MICU3: variants seen among roughly 807,000 people sequenced by gnomAD.
The protein encoded by MICU3 is mitochondrial calcium uptake 3, also known as calcium uptake protein 3, mitochondrial.
MICU3 carries 62 observed loss-of-function variants against 66.5 expected under a neutral mutation model. The observed-to-expected ratio is 0.93, with a 90% confidence interval of 0.76 to 1.15. MICU3 has a LOEUF of 1.15. Among genes scored for constraint, MICU3 ranks in the 50% most tolerant of loss-of-function variants. MICU3 has a pLI of 0.00. For synonymous variants in MICU3, 308 were observed against 240.7 expected (o/e 1.28, Z -2.59); for missense variants, 779 against 664.4 (o/e 1.17, Z -1.90).
chr8:17,112,058 A>G (rs6988540), intron 11 of MICU3, among the ~76,000 whole-genome samples: 33,515 of 147,116 alleles, frequency 0.23, 4,399 homozygotes, highest in East Asian at 0.64. Context: ...CGAGAACAGC[A>G]TGGGGTGAAC....
chr8:17,082,616 T>C (rs1442532900), intron 5 of MICU3, among the ~76,000 whole-genome samples: 3 of 152,098 alleles, frequency 2.0e-5, no homozygotes, highest in African/African-American at 7.2e-5. Flanking sequence ...ATGGTACCCT[T>C]CCAAAAAGTA....
chr8:17,038,174 A>C (rs961393333), intron 1 of MICU3, among the ~76,000 whole-genome samples: 1 of 151,956 alleles, frequency 6.6e-6, no homozygotes, highest in Non-Finnish European at 1.5e-5. Context: ...GTGATTTGGG[A>C]GGGCCCAGAG....
intron 7 of MICU3, among the ~76,000 whole-genome samples, chr8:17,088,142 G>T (rs1219748972): frequency 6.6e-6 from 1 of 151,876 alleles, no homozygotes; most frequent in Non-Finnish European, 1.5e-5. Context: ...AGATTATCAG[G>T]ATTATATAGC....
At chr8:17,136,388 A>G in the MICU3 span, among the ~76,000 whole-genome samples, 2 of 152,060 alleles carry the variant, frequency 1.3e-5, no homozygotes, top group African/African-American at 4.8e-5. Flanking sequence ...TCCCTTGCAC[A>G]GTTGGGTTGG....
chr8:17,107,816 T>TC (rs1801868668), intron 11 of MICU3, among the ~76,000 whole-genome samples: 1 of 152,182 alleles, frequency 6.6e-6, no homozygotes, highest in Non-Finnish European at 1.5e-5. Flanking sequence ...GTATTGACAA[T>TC]CAACTGTGAC....
chr8:17,038,958 A>T (rs58838267), intron 1 of MICU3, among the ~76,000 whole-genome samples: 1 of 123,374 alleles, frequency 8.1e-6, no homozygotes, highest in Admixed American at 8.2e-5. Context: ...GTCTCAAAAA[A>T]AAAAAAAAAT....
Position 17,098,664 on chromosome 8 carries a change from T to C in MICU3, c.984+111T>C. 4.0e-6 allele frequency: 3 copies of C among 741,222 alleles called. No homozygotes were observed. The South Asian group carries it at 4.8e-5, about 12-fold the overall frequency. The allele number at this position is 741,222 out of a possible 1,614,324, so 45.9% of individuals were successfully genotyped here. A position where few individuals can be genotyped will look rare whatever the true frequency, so the allele number is the denominator to read the frequency against. On this transcript the variant is annotated intron_variant, in intron 9 of 14. Coordinates refer to ENST00000318063, the MANE Select transcript of MICU3 (RefSeq NM_181723.3). ...CCCAACATGTATGTTACATTTTCCATTGTTTTAGTACAGCAAAAATTACTA... is the reference window on the plus strand; with the variant it reads ...CCCAACATGTATGTTACATTTTCCACTGTTTTAGTACAGCAAAAATTACTA...
chr8:17,037,847 C>G (rs1223666590), intron 1 of MICU3, among the ~76,000 whole-genome samples: 2 of 152,176 alleles, frequency 1.3e-5, no homozygotes, highest in Non-Finnish European at 2.9e-5. Flanking sequence ...TCAGTGTGAC[C>G]TGGATGTGAG....
chr8:17,072,804 G>A (rs1819801940), intron 3 of MICU3, among the ~76,000 whole-genome samples: 1 of 152,150 alleles, frequency 6.6e-6, no homozygotes, highest in Non-Finnish European at 1.5e-5. Context: ...CCCGCCAGAT[G>A]GTGAGCTTCC....
At chr8:17,082,278 T>G (rs1821303691) in intron 5 of MICU3, among the ~76,000 whole-genome samples, 1 of 152,170 alleles carries the variant, frequency 6.6e-6, no homozygotes, top group Non-Finnish European at 1.5e-5. Flanking sequence ...CACCTGGCCT[T>G]TCTATTCCTT....
At position 17,121,850 on chromosome 8, in the gene MICU3, C is replaced by G. The variant is rs914880770; in HGVS notation, c.*1563C>G. 1 of 151,686 alleles carries G rather than the reference C, an allele frequency of 6.6e-6. No individual in the cohort carries two copies. The highest frequency in any genetic ancestry group is 1.5e-5 in the Non-Finnish European group (1 of 67,688). 9.4% of individuals were successfully genotyped at this position (151,686 alleles called of 1,614,324 possible). ...CATATAGTATAAGAATATAATTTCA[C>G]TTGCTTTGAAAGTTGATTTAATTGA... On this transcript the variant is annotated 3_prime_UTR_variant, in exon 15 of 15. Coordinates refer to ENST00000318063, the MANE Select transcript of MICU3 (RefSeq NM_181723.3).
At chr8:17,069,217 T>G (rs555120843) in intron 2 of MICU3, among the ~76,000 whole-genome samples, 3 of 152,282 alleles carry the variant, frequency 2.0e-5, no homozygotes, top group South Asian at 4.1e-4. Context: ...TCCCCAATCC[T>G]TCTTCATCCT....
intron 4 of MICU3, among the ~76,000 whole-genome samples, chr8:17,080,669 T>C (rs1821049801): frequency 1.3e-5 from 2 of 152,138 alleles, no homozygotes; most frequent in Admixed American, 6.6e-5. Flanking sequence ...TATCTGTCTA[T>C]AGGTCACAAT....
the MICU3 span, chr8:17,132,723 C>T: frequency 6.6e-6 from 1 of 152,212 alleles, no homozygotes; most frequent in South Asian, 2.1e-4. Flanking sequence ...GAACTCAGAT[C>T]TCTGAAATGG....
chr8:17,137,521 TAA>T, the MICU3 span, among the ~76,000 whole-genome samples: 296 of 134,578 alleles, frequency 2.2e-3, no homozygotes, highest in Middle Eastern at 4.0e-3. Flanking sequence ...TGCTTTTTTT[TAA>T]AAAAAAAAAA....
At chr8:17,028,083 G>C (rs1375615430) in intron 1 of MICU3, among the ~76,000 whole-genome samples, 2 of 152,160 alleles carry the variant, frequency 1.3e-5, no homozygotes, top group Admixed American at 1.3e-4. Context: ...GCAGCGGTCT[G>C]AGATCTCAAA....
At chr8:17,057,511 A>C (rs962025839) in intron 1 of MICU3, among the ~76,000 whole-genome samples, 1 of 152,214 alleles carries the variant, frequency 6.6e-6, no homozygotes, top group Non-Finnish European at 1.5e-5. Context: ...TAATTAGAGC[A>C]AATTTTTAAC....
chr8:17,067,438 T>C (rs1044847119), intron 2 of MICU3, among the ~76,000 whole-genome samples: 4 of 152,088 alleles, frequency 2.6e-5, no homozygotes, highest in Admixed American at 2.6e-4. Flanking sequence ...TGATTTTTTT[T>C]TTTTTTCCCC....
intron 1 of MICU3, among the ~76,000 whole-genome samples, chr8:17,028,478 G>C (rs1445039220): frequency 6.6e-6 from 1 of 152,204 alleles, no homozygotes; most frequent in East Asian, 1.9e-4. Flanking sequence ...ATATTTAATA[G>C]TCATGTAAAT....
Sources: gnomAD v4.1 joint callset for allele counts (sites outside exome capture counted in the v4.1 genomes callset) on GRCh38, gnomAD v4.1.1 for gene constraint, MANE v1.5 for transcripts, NCBI Gene and HGNC (gene_info 2026-07-23, HGNC 2026-07-21) for gene names.